Variants in FANCD2 observed in about 807,000 individuals in gnomAD.
The protein encoded by FANCD2 is Fanconi anemia group D2 protein.
FANCD2 carries 131 observed loss-of-function variants against 192.3 expected under a neutral mutation model. The observed-to-expected ratio is 0.68, with a 90% CI of 0.59 to 0.79. FANCD2 has a LOEUF of 0.79. FANCD2 is among the 30% of genes least tolerant of loss of function. FANCD2 has a pLI of 0.00. For synonymous variants in FANCD2, 524 were observed against 612.5 expected (o/e 0.86, Z 2.13); for missense variants, 1,508 against 1,701.6 (o/e 0.89, Z 2.00).
At chr3:10,031,859 T>C (rs1473238617) in intron 2 of FANCD2, among the ~76,000 whole-genome samples, 1 of 152,098 alleles carries the variant, frequency 6.6e-6, no homozygotes, top group Non-Finnish European at 1.5e-5. Context: ...GCCTTTTTTT[T>C]CCTTTGAGAC....
intron 2 of FANCD2, among the ~76,000 whole-genome samples, chr3:10,031,248 A>G (rs994015708): frequency 4.9e-4 from 75 of 152,286 alleles, no homozygotes; most frequent in Admixed American, 4.4e-3. Flanking sequence ...TCACGCCTGT[A>G]ATCCCAGCAC....
chr3:10,041,390 A>T (rs1316287273), intron 9 of FANCD2: 2 of 443,092 alleles, frequency 4.5e-6, no homozygotes, highest in African/African-American at 4.0e-5. Context: ...GGTAGTGGGG[A>T]TTGTGATGGA....
At chr3:10,042,964 CA>C in intron 11 of FANCD2, 85 bp from the exon 12 acceptor site, 1 of 1,210,184 alleles carries the variant, frequency 8.3e-7, no homozygotes, top group Non-Finnish European at 1.2e-6. Context: ...CTCAGTCTTT[CA>C]GGAGATTGTC....
chr3:10,030,246 G>C (rs2124964407), intron 2 of FANCD2, among the ~76,000 whole-genome samples: 1 of 152,036 alleles, frequency 6.6e-6, no homozygotes, highest in South Asian at 2.1e-4. Flanking sequence ...ACATGTACAT[G>C]CCATCATGCC....
chr3:10,054,055 T>A (rs1446005497), intron 18 of FANCD2, among the ~76,000 whole-genome samples: 1 of 151,284 alleles, frequency 6.6e-6, no homozygotes, highest in Non-Finnish European at 1.5e-5. Flanking sequence ...TACAAAAACA[T>A]AGAAAAATTA....
chr3:10,063,441 GA>G (rs555706467), intron 20 of FANCD2, among the ~76,000 whole-genome samples: 2 of 151,818 alleles, frequency 1.3e-5, no homozygotes, highest in Admixed American at 6.6e-5. Context: ...CATCTCAAAA[GA>G]AAAAAAGAAA....
intron 34 of FANCD2, among the ~76,000 whole-genome samples, chr3:10,087,831 T>C (rs1694314661): frequency 6.6e-6 from 1 of 152,048 alleles, no homozygotes; most frequent in Non-Finnish European, 1.5e-5. Flanking sequence ...GTATTTTTAG[T>C]GGAGACGGGG....
At chr3:10,069,926 G>C (rs1194304498) in intron 26 of FANCD2, among the ~76,000 whole-genome samples, 1 of 145,172 alleles carries the variant, frequency 6.9e-6, no homozygotes, top group African/African-American at 2.6e-5. Flanking sequence ...GCCGCCCATC[G>C]TCTGGGATGT....
chr3:10,088,694 T>G (rs756030123), intron 35 of FANCD2, 134 bp from the exon 36 acceptor site: 5 of 1,140,782 alleles, frequency 4.4e-6, no homozygotes, highest in South Asian at 1.3e-5. Flanking sequence ...ATGTGGATCT[T>G]AAGATCCTCT....
At position 10,033,222 on chromosome 3, in the gene FANCD2, G is replaced by A. The variant is rs535665764; in HGVS notation, c.205+250G>A. 7.3e-4 allele frequency among the ~76,000 whole-genome samples: 111 copies of A among 152,208 alleles called. 1 individual carries two copies. The South Asian group carries it at 0.018, about 25-fold the overall frequency. On this transcript the variant is annotated intron_variant, in intron 3 of 43. Coordinates refer to ENST00000675286, the MANE Select transcript of FANCD2 (RefSeq NM_001018115.3). ...AGCTCAGGAATTTGCGACCGGCCTG[G>A]GCAACACGTCTCTACTAAAATATAA...
intron 43 of FANCD2, among the ~76,000 whole-genome samples, chr3:10,100,444 G>C (rs1422219456): frequency 6.6e-6 from 1 of 152,160 alleles, no homozygotes; most frequent in African/African-American, 2.4e-5. Context: ...TGCAGTCTCA[G>C]CTCACTGCAG....
At chr3:10,055,452 A>C (rs867161717) in intron 18 of FANCD2, among the ~76,000 whole-genome samples, 2 of 152,196 alleles carry the variant, frequency 1.3e-5, no homozygotes, top group South Asian at 2.1e-4. Flanking sequence ...TTCACTTAGC[A>C]TAATATTTTC....
intron 26 of FANCD2, among the ~76,000 whole-genome samples, chr3:10,068,743 T>G (rs1213541344): frequency 6.6e-6 from 1 of 151,050 alleles, no homozygotes; most frequent in Non-Finnish European, 1.5e-5. Context: ...TGACTTCAAA[T>G]TATACTACAG....
Position 10,078,846 on chromosome 3 carries a change from T to A in FANCD2, c.2976+649T>A, listed in dbSNP as rs572929608. Reference sequence around the variant, plus strand: ...GCCGGGCATGGTGGTGCAGCTATAGTTCCAGCTACTTGGGAGGCTGAGGCA... The same window carrying A: ...GCCGGGCATGGTGGTGCAGCTATAGATCCAGCTACTTGGGAGGCTGAGGCA... On this transcript the variant is annotated intron_variant, in intron 30 of 43. Transcript: ENST00000675286. Among the ~76,000 whole-genome samples, 447 of 151,436 alleles carry A rather than the reference T, an allele frequency of 3.0e-3. 2 individuals are homozygous for A. The highest frequency in any genetic ancestry group is 4.8e-3 in the Non-Finnish European group (329 of 67,844).
At position 10,074,591 on chromosome 3, in the gene FANCD2, G is replaced by T. The variant is rs532250395; in HGVS notation, c.2777G>T (p.Arg926Leu). Residue 926 changes from arginine (R) to leucine (L), a missense_variant, in exon 29 of 44, where the codon CGA becomes CTA. Transcript: ENST00000675286. ...LLLHNSHAFF[R>L]ELDIEVFSIL... ...CTACATAATTCCCATGCTTTTTTCC[G>T]AGAGCTGGACATTGAGGTCTTCTCT... 1.2e-6 allele frequency: 2 copies of T among 1,613,592 alleles called. No individual in the cohort carries two copies. The highest frequency in any genetic ancestry group is 3.3e-5 in the Admixed American group (2 of 59,984).
intron 18 of FANCD2, among the ~76,000 whole-genome samples, chr3:10,059,909 A>G (rs1446252449): frequency 2.0e-5 from 3 of 151,528 alleles, no homozygotes; most frequent in Admixed American, 6.6e-5. Context: ...GGTGGTTCAC[A>G]CCTGTAATCC....
intron 18 of FANCD2, among the ~76,000 whole-genome samples, chr3:10,053,915 T>G (rs1477350612): frequency 2.0e-5 from 3 of 152,134 alleles, no homozygotes; most frequent in African/African-American, 7.2e-5. Context: ...GTGGGCTTGC[T>G]TTTGTTTGTG....
Position 10,049,501 on chromosome 3 carries a change from T to C in FANCD2, c.1541T>C (p.Val514Ala). 1 of 1,602,396 alleles carries C rather than the reference T, an allele frequency of 6.2e-7. No individual in the cohort carries two copies. The highest frequency in any genetic ancestry group is 8.5e-7 in the Non-Finnish European group (1 of 1,170,866). ...GCTATGATGATGAATGCTGTCTTTG[T>C]AAAGGTATCTTATTGGCTTCTTGTA... ...PSAMMMNAVF[V>A]KGILDYLDNI... The change falls in exon 17 of 44, where the codon GTA becomes GCA. Residue 514 changes from valine to alanine, a missense_variant. By Grantham distance (64) the Val-to-Ala change is moderately conservative. Coordinates refer to ENST00000675286, the MANE Select transcript of FANCD2 (RefSeq NM_001018115.3).
intron 43 of FANCD2, 124 bp downstream of exon 43, chr3:10,098,939 T>G: frequency 6.2e-7 from 1 of 1,614,206 alleles, no homozygotes; most frequent in Non-Finnish European, 8.5e-7. Flanking sequence ...CCCATTTCCA[T>G]TCCCTCCATA....
Sources: gnomAD v4.1 joint callset for allele counts (sites outside exome capture counted in the v4.1 genomes callset) on GRCh38, gnomAD v4.1.1 for gene constraint, MANE v1.5 for transcripts, NCBI Gene and HGNC (gene_info 2026-07-23, HGNC 2026-07-21) for gene names.